The following PPP2R2B variants were observed in gnomAD, a reference collection of about 807,000 sequenced individuals.
PPP2R2B encodes the protein serine/threonine-protein phosphatase 2A 55 kDa regulatory subunit B beta isoform.
PPP2R2B carries 5 observed loss-of-function variants against 46.0 expected under a neutral mutation model. The ratio of observed to expected loss-of-function variants is 0.11; its 90% CI spans 0.06 to 0.23. The LOEUF (loss-of-function observed/expected upper bound fraction) is 0.23, where lower values mean the gene tolerates loss of function less well. Ranked by LOEUF, PPP2R2B falls within the 10% of genes least tolerant of loss-of-function variation. PPP2R2B has a pLI of 1.00. For missense variants in PPP2R2B, 367 were observed against 575.0 expected, an observed-to-expected ratio of 0.64 and a Z score of 3.70; for synonymous variants, 215 against 206.7, an observed-to-expected ratio of 1.04 and a Z score of -0.34.
intron 5 of PPP2R2B, among the ~76,000 whole-genome samples, chr5:146,668,431 C>T (rs964689483): frequency 6.6e-6 from 1 of 152,152 alleles, no homozygotes; most frequent in Non-Finnish European, 1.5e-5. Context: ...ATAATTTCCC[C>T]CCACTTCCCT....
chr5:146,592,172 C>T, intron 9 of PPP2R2B: 1 of 442,192 alleles, frequency 2.3e-6, no homozygotes, highest in South Asian at 1.6e-5. Context: ...GGTCCTTTGC[C>T]ACGTGGAGAC....
intron 2 of PPP2R2B, among the ~76,000 whole-genome samples, chr5:146,761,145 C>G (rs190749791): frequency 0.021 from 3,256 of 152,140 alleles, 107 homozygotes; most frequent in African/African-American, 0.074. Context: ...ACCATTTGAC[C>G]CAGCCATCCC....
intron 1 of PPP2R2B, among the ~76,000 whole-genome samples, chr5:146,969,601 G>A (rs1471239158): frequency 6.6e-6 from 1 of 152,220 alleles, no homozygotes; most frequent in East Asian, 1.9e-4. Context: ...ATCCAGGAGC[G>A]AGATGCAGGT....
intron 2 of PPP2R2B, among the ~76,000 whole-genome samples, chr5:146,832,106 C>G (rs1248648332): frequency 6.6e-6 from 1 of 151,822 alleles, no homozygotes; most frequent in African/African-American, 2.4e-5. Context: ...GTGTTTTAAG[C>G]TAAATGTTAT....
At chr5:146,770,708 TCA>T (rs942063954) in intron 2 of PPP2R2B, among the ~76,000 whole-genome samples, 19 of 152,142 alleles carry the variant, frequency 1.2e-4, no homozygotes, top group Non-Finnish European at 1.5e-4. Context: ...GGAGGTATCA[TCA>T]CACAGGAGGT....
chr5:146,649,427 A>G (rs1407255519), intron 6 of PPP2R2B, among the ~76,000 whole-genome samples: 7 of 146,156 alleles, frequency 4.8e-5, no homozygotes, highest in Non-Finnish European at 7.5e-5. Flanking sequence ...TTTTTTTTTT[A>G]CCTTTCTATA....
At position 146,870,423 on chromosome 5, in the gene PPP2R2B, C is replaced by T. The variant is rs542705566; in HGVS notation, c.70+7579G>A. On this transcript the variant is annotated intron_variant, in intron 2 of 9. Transcript: ENST00000394411. ...TGCGCTCTCTCTTTTCACACTTGCA[C>T]ACAGGAGAAAGGCCATATGAGGACC... 1.4e-4 allele frequency among the ~76,000 whole-genome samples: 21 copies of T among 152,238 alleles called. No individual in the cohort carries two copies. In the East Asian group the frequency reaches 3.5e-3, roughly 25 times the overall value.
chr5:146,663,585 G>A (rs1413538838), intron 5 of PPP2R2B, among the ~76,000 whole-genome samples: 2 of 152,124 alleles, frequency 1.3e-5, no homozygotes, highest in South Asian at 2.1e-4. Flanking sequence ...GTTTCCCAGT[G>A]TATATAAAGT....
chr5:146,942,014 C>T (rs1316673445), intron 1 of PPP2R2B, among the ~76,000 whole-genome samples: 2 of 152,156 alleles, frequency 1.3e-5, no homozygotes, highest in African/African-American at 2.4e-5. Flanking sequence ...CGGTCTCCGC[C>T]TCCCCAGTTG....
At chr5:147,061,554 T>G (rs1757258739) in intron 2 of PPP2R2B, among the ~76,000 whole-genome samples, 1 of 152,216 alleles carries the variant, frequency 6.6e-6, no homozygotes, top group Admixed American at 6.5e-5. Flanking sequence ...TCTTTCTCGC[T>G]CATTGCATCC....
Position 146,815,217 on chromosome 5 carries a change from A to G in PPP2R2B, c.70+62785T>C, listed in dbSNP as rs1757860268. Among the ~76,000 whole-genome samples, 4 of 152,232 alleles carry G rather than the reference A, an allele frequency of 2.6e-5. No homozygotes were observed. In the South Asian group the frequency reaches 8.3e-4, roughly 32 times the overall value. On this transcript the variant is annotated intron_variant, in intron 2 of 9. Transcript: ENST00000394411. ...CATTCTCTTCCTTGTGAACTGGATT[A>G]TGAAAGTTCCTCCTCTTAACAAGCC...
chr5:146,777,074 A>G (rs1353259926), intron 2 of PPP2R2B, among the ~76,000 whole-genome samples: 1 of 152,108 alleles, frequency 6.6e-6, no homozygotes, highest in Admixed American at 6.6e-5. Context: ...TTCCATCCTC[A>G]AAAAGTTATA....
chr5:146,670,393 T>A (rs1426361857), intron 5 of PPP2R2B, among the ~76,000 whole-genome samples: 1 of 152,078 alleles, frequency 6.6e-6, no homozygotes, highest in Non-Finnish European at 1.5e-5. Flanking sequence ...CTCCAAATAA[T>A]TGAGGGAAAA....
chr5:146,728,485 G>A (rs537389457), intron 2 of PPP2R2B, among the ~76,000 whole-genome samples: 8 of 152,196 alleles, frequency 5.3e-5, no homozygotes, highest in East Asian at 3.9e-4. Context: ...ACAGATCTCC[G>A]TGGGACTGCT....
rs577251616 is a variant in PPP2R2B, at chr5:146,734,399, A to G, written c.71-33257T>C. Reference sequence around the variant, plus strand: ...AACTGTGTTAAATGCCCTGTATACAATATCTCATTCAGTTCTCATAACTAC... The same window carrying G: ...AACTGTGTTAAATGCCCTGTATACAGTATCTCATTCAGTTCTCATAACTAC... On this transcript the variant is annotated intron_variant, in intron 2 of 9. Coordinates refer to ENST00000394411, the MANE Select transcript of PPP2R2B (RefSeq NM_181675.4). Among the ~76,000 whole-genome samples, 102 of 152,238 alleles carry G rather than the reference A, an allele frequency of 6.7e-4. 1 individual carries two copies. Among genetic ancestry groups the G allele is most frequent in the African/African-American group, 2.4e-3 (100 of 41,552 alleles).
At chr5:146,980,044 T>G (rs2151854300) in intron 1 of PPP2R2B, among the ~76,000 whole-genome samples, 1 of 152,334 alleles carries the variant, frequency 6.6e-6, no homozygotes, top group Non-Finnish European at 1.5e-5. Context: ...AAATTGAATT[T>G]AATTTTTAAA....
chr5:146,593,649 G>GGAGAT (rs1770883060), intron 8 of PPP2R2B, among the ~76,000 whole-genome samples: 2 of 152,192 alleles, frequency 1.3e-5, no homozygotes, highest in African/African-American at 4.8e-5. Context: ...GAAGCCTGCA[G>GGAGAT]GAGATGAATG....
intron 4 of PPP2R2B, among the ~76,000 whole-genome samples, chr5:146,692,786 G>T (rs184779921): frequency 7.4e-4 from 113 of 151,836 alleles, no homozygotes; most frequent in African/African-American, 2.6e-3. Context: ...CGCCTGCCTC[G>T]GTCTCCCAAA....
At chr5:147,053,438 T>C (rs1259640058) in intron 1 of PPP2R2B, among the ~76,000 whole-genome samples, 2 of 152,064 alleles carry the variant, frequency 1.3e-5, no homozygotes, top group Admixed American at 6.6e-5. Flanking sequence ...ACAGAGATAT[T>C]CACACACTAT....
Sources: allele counts gnomAD v4.1 joint callset (sites outside exome capture counted in the v4.1 genomes callset), GRCh38; gene constraint gnomAD v4.1.1; transcripts MANE v1.5; gene names NCBI Gene and HGNC (gene_info 2026-07-23, HGNC 2026-07-21).